HYLS1: variants seen among roughly 807,000 people sequenced by gnomAD.
The protein encoded by HYLS1 is centriolar and ciliogenesis-associated protein HYLS1.
Under a neutral mutation model 29.4 loss-of-function variants are expected in HYLS1, and 25 were observed. That is an observed-to-expected ratio of 0.85 (90% CI 0.62 to 1.19). HYLS1 has a LOEUF of 1.19. Among genes scored for constraint, HYLS1 ranks in the 50% most tolerant of loss-of-function variants. The probability of loss-of-function intolerance (pLI) is 0.00; values close to 1 mark genes in which losing one functional copy is unlikely to be tolerated. For missense variants in HYLS1, 352 were observed against 365.1 expected, an observed-to-expected ratio of 0.96 and a Z score of 0.29; for synonymous variants, 128 against 126.7, an observed-to-expected ratio of 1.01 and a Z score of -0.07.
rs748950576 is a variant in HYLS1 at position 125,899,873 on chromosome 11, A to G, written c.505A>G (p.Ile169Val). ...CCAAGGAATTTCTCAAGATCAGCTC[A>G]TTTGCTCTCTACAAAGAGAAGGAAT... ...EYQGISQDQLICSLQREGMGS... is the reference protein window; with the variant it reads ...EYQGISQDQLVCSLQREGMGS... Residue 169 changes from isoleucine (I) to valine (V), a missense_variant, in exon 3 of 3, where the codon ATT becomes GTT. Coordinates refer to ENST00000425380, the MANE Select transcript of HYLS1 (RefSeq NM_001134793.2). 4 of 1,613,140 alleles carry G rather than the reference A, an allele frequency of 2.5e-6. No homozygotes were observed. In the South Asian group the frequency reaches 3.3e-5, roughly 13 times the overall value.
chr11:125,894,951 A>G (rs1944528978), intron 2 of HYLS1, among the ~76,000 whole-genome samples: 1 of 152,178 alleles, frequency 6.6e-6, no homozygotes. Context: ...TCCCTCTTAC[A>G]TGTTCATAAC....
chr11:125,900,281 T>G lies in HYLS1; in HGVS notation c.*13T>G. ...TTCTCCTTCTTAAATCTTTTTAAACTTCTTTCACAGGATTGTTTGAGATAA... is the reference window on the plus strand; with the variant it reads ...TTCTCCTTCTTAAATCTTTTTAAACGTCTTTCACAGGATTGTTTGAGATAA... On this transcript the variant is annotated 3_prime_UTR_variant, in exon 3 of 3. Transcript: ENST00000425380. 6.2e-7 allele frequency: 1 copy of G among 1,613,046 alleles called. No individual in the cohort carries two copies. The highest frequency in any genetic ancestry group is 2.2e-5 in the East Asian group (1 of 44,892).
chr11:125,895,963 T>C, intron 2 of HYLS1: 3 of 1,614,152 alleles, frequency 1.9e-6, no homozygotes, highest in Non-Finnish European at 2.5e-6. Context: ...TAGTTGGATG[T>C]CTGTCTGCTT....
intron 1 of HYLS1, among the ~76,000 whole-genome samples, chr11:125,888,515 C>A (rs904304451): frequency 1.3e-5 from 2 of 151,796 alleles, no homozygotes; most frequent in African/African-American, 2.4e-5. Context: ...ACGCCTGTTA[C>A]CCCAGCACTT....
At chr11:125,884,103 T>C (rs960796785), upstream of HYLS1, 14 of 152,070 alleles carry the variant, frequency 9.2e-5, no homozygotes, top group African/African-American at 3.4e-4. Flanking sequence ...AATAACCTGG[T>C]TCCTTCAACA....
At chr11:125,897,753 T>C (rs556994796) in intron 2 of HYLS1, among the ~76,000 whole-genome samples, 35 of 152,348 alleles carry the variant, frequency 2.3e-4, no homozygotes, top group African/African-American at 8.4e-4. Flanking sequence ...GCTCTATTAA[T>C]GTATGGTCAG....
At chr11:125,887,458 T>C (rs1247634153), upstream of HYLS1, 3 of 152,262 alleles carry the variant, frequency 2.0e-5, no homozygotes, top group Non-Finnish European at 2.9e-5. Flanking sequence ...GGCTCGGATA[T>C]TTTTAAGGCC....
In HYLS1 at chr11:125,899,604, C is replaced by T. The variant is rs1433142030; in HGVS notation, c.236C>T (p.Ser79Leu). 6.2e-7 allele frequency: 1 copy of T among 1,614,046 alleles called. No individual in the cohort carries two copies. Among genetic ancestry groups the T allele is most frequent in the Non-Finnish European group, 8.5e-7 (1 of 1,180,038 alleles). Residue 79 changes from serine to leucine, a missense_variant, in exon 3 of 3, where the codon TCA becomes TTA. By Grantham distance (145) the Ser-to-Leu change is moderately radical. Coordinates refer to ENST00000425380, the MANE Select transcript of HYLS1 (RefSeq NM_001134793.2). The stretch of plus-strand genomic sequence containing the variant: ...CCACATGTAGAAAGTAATGTCCCTT[C>T]AGAAACAGTCTCTGAGGCCTCCCAA... Reference protein sequence around the residue: ...QYPHVESNVPSETVSEASQRL... With the variant: ...QYPHVESNVPLETVSEASQRL...
At chr11:125,894,292 G>C (rs754640433) in intron 2 of HYLS1, 1 of 1,579,356 alleles carries the variant, frequency 6.3e-7, no homozygotes. Context: ...CCATACTAGA[G>C]AAAAAGAGAA....
rs1944687736 is a variant in HYLS1 at position 125,899,374 on chromosome 11, A to G, written c.6A>G (p.Glu2=). The G allele has an allele frequency of 6.2e-7, 1 of 1,613,972 alleles. No homozygotes were observed. The highest frequency in any genetic ancestry group is 1.3e-5 in the African/African-American group (1 of 74,930). The change falls in exon 3 of 3, where the codon GAA becomes GAG. Residue 2 remains glutamate (E), a synonymous_variant. Coordinates refer to ENST00000425380, the MANE Select transcript of HYLS1 (RefSeq NM_001134793.2). The part of the protein sequence containing the change: M[E]ELLPDGQIWA... ...CCTACAGTGTAGGGGAAGCAATGGAAGAACTTCTACCTGATGGACAAATAT... is the reference window on the plus strand; with the variant it reads ...CCTACAGTGTAGGGGAAGCAATGGAGGAACTTCTACCTGATGGACAAATAT...
chr11:125,898,697 T>C (rs1944664541), intron 2 of HYLS1, among the ~76,000 whole-genome samples: 1 of 151,624 alleles, frequency 6.6e-6, no homozygotes, highest in Non-Finnish European at 1.5e-5. Context: ...TATTAAAGCA[T>C]AGAAATTATA....
intron 2 of HYLS1, among the ~76,000 whole-genome samples, chr11:125,892,608 G>A (rs1270722601): frequency 1.3e-5 from 2 of 152,066 alleles, no homozygotes; most frequent in East Asian, 1.9e-4. Flanking sequence ...TATTCACTGA[G>A]TCCTGTTGTT....
At chr11:125,883,660 G>A (rs1207375745), upstream of HYLS1, 1 of 152,274 alleles carries the variant, frequency 6.6e-6, no homozygotes, top group Non-Finnish European at 1.5e-5. Flanking sequence ...GATCACCTGA[G>A]GTTAGGAGTT....
In HYLS1 at chr11:125,899,528, G is replaced by T; in HGVS notation, c.160G>T (p.Ala54Ser). The T allele has an allele frequency of 6.2e-7, 1 of 1,614,138 alleles. No individual in the cohort carries two copies. Among genetic ancestry groups the T allele is most frequent in the Non-Finnish European group, 8.5e-7 (1 of 1,180,024 alleles). ...TATCCAATATGATCCCTACAGTAAAGCTTCAGTAGCCCCAGGGAAGCGACC... is the reference window on the plus strand; with the variant it reads ...TATCCAATATGATCCCTACAGTAAATCTTCAGTAGCCCCAGGGAAGCGACC... ...QSIQYDPYSK[A>S]SVAPGKRPAL... The change falls in exon 3 of 3, where the codon GCT becomes TCT. Residue 54 changes from alanine (A) to serine (S), a missense_variant. Ala to Ser is a moderately conservative substitution (Grantham distance 99, BLOSUM62 1). Coordinates refer to ENST00000425380, the MANE Select transcript of HYLS1 (RefSeq NM_001134793.2).
intron 2 of HYLS1, chr11:125,894,214 C>T: frequency 1.2e-6 from 2 of 1,613,772 alleles, no homozygotes; most frequent in Non-Finnish European, 8.5e-7. Flanking sequence ...ACTCCTGAGC[C>T]TCCTGGTCAT....
At chr11:125,888,473 T>A (rs913076456) in intron 1 of HYLS1, among the ~76,000 whole-genome samples, 3 of 152,090 alleles carry the variant, frequency 2.0e-5, no homozygotes, top group Admixed American at 1.3e-4. Flanking sequence ...TTTGGCATTA[T>A]AAATCAGAAT....
chr11:125,896,794 A>G (rs2134248988), intron 2 of HYLS1, among the ~76,000 whole-genome samples: 1 of 152,280 alleles, frequency 6.6e-6, no homozygotes, highest in African/African-American at 2.4e-5. Context: ...TGTATGCTCC[A>G]TCATCTAATA....
chr11:125,900,458 C>A lies in HYLS1; in HGVS notation c.*190C>A. On this transcript the variant is annotated 3_prime_UTR_variant, in exon 3 of 3. Transcript: ENST00000425380. Reference sequence around the variant, plus strand: ...GATACTTCCAAATTGCCACTCAAATCCAGCAATTGCAAGATAAATCATATC... The same window carrying A: ...GATACTTCCAAATTGCCACTCAAATACAGCAATTGCAAGATAAATCATATC... The A allele has an allele frequency of 3.4e-6, 2 of 596,636 alleles. No homozygotes were observed. The highest frequency in any genetic ancestry group is 2.0e-5 in the South Asian group (1 of 49,522). 37.0% of individuals were successfully genotyped at this position (596,636 alleles called of 1,614,324 possible).
Position 125,900,055 on chromosome 11 carries a change from TG to T in HYLS1, c.689del (p.Gly230ValfsTer36). On this transcript the variant is annotated frameshift_variant, in exon 3 of 3. Coordinates refer to ENST00000425380, the MANE Select transcript of HYLS1 (RefSeq NM_001134793.2). LOFTEE classifies it high-confidence loss of function. ...GGGACTGGGACTCAATACGTTTACC[TG>T]GTGAAGATCATAGAAAGGAATTACG... ...KRDWDSIRLP[G>X]EDHRKELRWG... 1 of 1,614,214 alleles carries T rather than the reference TG, an allele frequency of 6.2e-7. No individual in the cohort carries two copies.
Sources: gnomAD v4.1 joint callset for allele counts (sites outside exome capture counted in the v4.1 genomes callset) on GRCh38, gnomAD v4.1.1 for gene constraint, MANE v1.5 for transcripts, NCBI Gene and HGNC (gene_info 2026-07-23, HGNC 2026-07-21) for gene names.